Variants in SLC5A4 observed in about 807,000 individuals in gnomAD.
SLC5A4 encodes solute carrier family 5 member 4, also known as probable glucose sensor protein SLC5A4.
A neutral mutation model predicts 70.3 loss-of-function variants in SLC5A4; 55 were observed. The ratio of observed to expected loss-of-function variants is 0.78; its 90% CI spans 0.63 to 0.98. SLC5A4 has a LOEUF of 0.98. Among genes scored for constraint, SLC5A4 ranks in the 50% least tolerant of loss-of-function variants. The pLI is 0.00. For missense variants in SLC5A4, 735 were observed against 839.2 expected (o/e 0.88, Z 1.53); for synonymous variants, 268 against 305.7 (o/e 0.88, Z 1.29).
the SLC5A4 span, among the ~76,000 whole-genome samples, chr22:32,280,113 T>C: frequency 6.6e-6 from 1 of 152,188 alleles, no homozygotes; most frequent in Non-Finnish European, 1.5e-5. Flanking sequence ...CCTCCCAGGT[T>C]CAAGTAATTC....
the SLC5A4 span, among the ~76,000 whole-genome samples, chr22:32,336,339 T>C: frequency 6.6e-6 from 1 of 152,200 alleles, no homozygotes; most frequent in Non-Finnish European, 1.5e-5. Flanking sequence ...ACCTGGGCCT[T>C]TGTGGAAGCG....
chr22:32,223,921 G>A (rs734023), intron 13 of SLC5A4, among the ~76,000 whole-genome samples: 80,724 of 151,834 alleles, frequency 0.53, 23,820 homozygotes, highest in African/African-American at 0.79. Flanking sequence ...TAAAAGGCAA[G>A]GAACTCTTTT....
At chr22:32,340,766 G>A in the SLC5A4 span, among the ~76,000 whole-genome samples, 1 of 152,154 alleles carries the variant, frequency 6.6e-6, no homozygotes, top group African/African-American at 2.4e-5. Context: ...GGACAGTGGG[G>A]TGGGGTGGGG....
chr22:32,225,973 T>G (rs1261665085), intron 11 of SLC5A4, 150 bp from the exon 12 acceptor site: 4 of 539,634 alleles, frequency 7.4e-6, no homozygotes, highest in Non-Finnish European at 1.3e-5. Flanking sequence ...CATGCTGTGC[T>G]TAATGGTGAT....
chr22:32,224,142 C>A (rs71313114), intron 13 of SLC5A4, 125 bp downstream of exon 13: 34 of 684,352 alleles, frequency 5.0e-5, no homozygotes, highest in Non-Finnish European at 8.3e-5. Flanking sequence ...GGATGGTCTC[C>A]ATCTCCTGAC....
chr22:32,338,221 G>A, the SLC5A4 span, among the ~76,000 whole-genome samples: 1 of 152,216 alleles, frequency 6.6e-6, no homozygotes, highest in Admixed American at 6.5e-5. Context: ...GAACTGAAAC[G>A]TGGGGGATAA....
the SLC5A4 span, among the ~76,000 whole-genome samples, chr22:32,292,038 A>T: frequency 7.1e-6 from 1 of 141,140 alleles, no homozygotes; most frequent in African/African-American, 2.6e-5. Flanking sequence ...ACGCCCGGCT[A>T]TTTTTTTATA....
chr22:32,334,322 T>A, the SLC5A4 span, among the ~76,000 whole-genome samples: 1 of 151,822 alleles, frequency 6.6e-6, no homozygotes, highest in Non-Finnish European at 1.5e-5. Flanking sequence ...GCCCCGCCCC[T>A]CCAGCACTGT....
chr22:32,250,580 T>A (rs1927081370), intron 3 of SLC5A4, among the ~76,000 whole-genome samples: 1 of 152,184 alleles, frequency 6.6e-6, no homozygotes, highest in Non-Finnish European at 1.5e-5. Flanking sequence ...AGAAATACCA[T>A]TTGACCCATC....
the SLC5A4 span, chr22:32,268,207 A>G: frequency 6.6e-6 from 1 of 152,184 alleles, no homozygotes; most frequent in African/African-American, 2.4e-5. Context: ...TGATATCTCT[A>G]TGTATATAAG....
At chr22:32,332,360 T>C in the SLC5A4 span, among the ~76,000 whole-genome samples, 1 of 152,250 alleles carries the variant, frequency 6.6e-6, no homozygotes, top group Non-Finnish European at 1.5e-5. Flanking sequence ...TGCGGCTGTC[T>C]CTGCCTCAGT....
the SLC5A4 span, among the ~76,000 whole-genome samples, chr22:32,305,825 T>C: frequency 6.6e-6 from 1 of 151,666 alleles, no homozygotes; most frequent in East Asian, 1.9e-4. Context: ...CTGCAGTGAT[T>C]GGCCCTGTCC....
intron 8 of SLC5A4, 99 bp downstream of exon 8, chr22:32,234,774 A>C: frequency 1.1e-6 from 1 of 913,346 alleles, no homozygotes. Context: ...ATGGAAACTA[A>C]ATGTTTTTCT....
At chr22:32,307,717 C>T in the SLC5A4 span, among the ~76,000 whole-genome samples, 21 of 152,328 alleles carry the variant, frequency 1.4e-4, no homozygotes, top group East Asian at 3.9e-3. Flanking sequence ...CTGTGCCTGG[C>T]ATCTGGTACA....
At chr22:32,326,319 C>T in the SLC5A4 span, among the ~76,000 whole-genome samples, 2 of 150,210 alleles carry the variant, frequency 1.3e-5, no homozygotes, top group Admixed American at 6.6e-5. Flanking sequence ...GGCAATGGCA[C>T]GATCTTGGCT....
chr22:32,304,825 TCTC>T, the SLC5A4 span, among the ~76,000 whole-genome samples: 968 of 150,934 alleles, frequency 6.4e-3, 17 homozygotes, highest in African/African-American at 0.022. Context: ...ATCTAGATTT[TCTC>T]CTATGTTCTA....
chr22:32,324,278 T>TATATGTATATATATATATAC, the SLC5A4 span, among the ~76,000 whole-genome samples: 1 of 151,656 alleles, frequency 6.6e-6, no homozygotes, highest in African/African-American at 2.4e-5. Context: ...TATATATATA[T>TATATGTATATATATATATAC]ACACACATAT....
At chr22:32,292,170 TAC>T in the SLC5A4 span, among the ~76,000 whole-genome samples, 1 of 54,016 alleles carries the variant, frequency 1.9e-5, no homozygotes, top group South Asian at 5.1e-4. Flanking sequence ...ATATAATATA[TAC>T]TAGATATTAT....
chr22:32,234,838 A>T (rs1324607980), intron 8 of SLC5A4, 35 bp downstream of exon 8: 7 of 1,452,710 alleles, frequency 4.8e-6, no homozygotes, highest in Non-Finnish European at 6.7e-6. Flanking sequence ...AGACAGACAG[A>T]CAGACAGACA....
Sources: gnomAD v4.1 joint callset for allele counts (sites outside exome capture counted in the v4.1 genomes callset) on GRCh38, gnomAD v4.1.1 for gene constraint, MANE v1.5 for transcripts, NCBI Gene and HGNC (gene_info 2026-07-23, HGNC 2026-07-21) for gene names.